The following FABP7 variants were observed in gnomAD, a reference collection of about 807,000 sequenced individuals.
The protein encoded by FABP7 is fatty acid-binding protein, brain.
FABP7 carries 13 observed loss-of-function variants against 14.2 expected under a neutral mutation model. That is an observed-to-expected ratio of 0.91 (90% CI 0.59 to 1.45). The LOEUF is 1.45. FABP7 is among the 40% of genes most tolerant of loss of function. FABP7 has a pLI of 0.00. For synonymous variants in FABP7, 49 were observed against 51.4 expected, an observed-to-expected ratio of 0.95 and a Z score of 0.20; for missense variants, 149 against 157.6, an observed-to-expected ratio of 0.95 and a Z score of 0.29.
chr6:122,770,391 T>C, the FABP7 span, among the ~76,000 whole-genome samples: 1 of 152,120 alleles, frequency 6.6e-6, no homozygotes, highest in Non-Finnish European at 1.5e-5. Flanking sequence ...TTATCTGATA[T>C]GGAGGCAGTC....
chr6:122,763,199 C>A, the FABP7 span, among the ~76,000 whole-genome samples: 1 of 152,098 alleles, frequency 6.6e-6, no homozygotes, highest in Non-Finnish European at 1.5e-5. Flanking sequence ...ATATATAGAT[C>A]AATGGAACAG....
At chr6:122,769,850 C>G in the FABP7 span, among the ~76,000 whole-genome samples, 2 of 151,928 alleles carry the variant, frequency 1.3e-5, no homozygotes, top group Non-Finnish European at 2.9e-5. Flanking sequence ...AGTTGCTTTG[C>G]GGTGAAAGAA....
chr6:122,783,082 A>G, intron 3 of FABP7: 1 of 985,452 alleles, frequency 1.0e-6, no homozygotes, highest in Non-Finnish European at 1.2e-6. Context: ...CATGAAAACC[A>G]TGAGCACCAA....
the FABP7 span, among the ~76,000 whole-genome samples, chr6:122,767,691 G>A: frequency 3.5e-4 from 52 of 150,010 alleles, no homozygotes; most frequent in African/African-American, 1.2e-3. Flanking sequence ...TGGGGGGATA[G>A]CTTGAGCCCA....
the FABP7 span, among the ~76,000 whole-genome samples, chr6:122,773,020 G>T: frequency 5.9e-5 from 9 of 152,102 alleles, no homozygotes; most frequent in African/African-American, 2.2e-4. Context: ...CCTGAGGAGA[G>T]CAAAGATCAC....
Position 122,781,109 on chromosome 6 carries a change from A to C in FABP7, c.263A>C (p.Asp88Ala). The C allele has an allele frequency of 6.2e-7, 1 of 1,613,608 alleles. No individual in the cohort carries two copies. Among genetic ancestry groups the C allele is most frequent in the South Asian group, 1.1e-5 (1 of 91,050 alleles). ...TGGTCTCAGTCTGTTGTTAGCCTGGATGGAGACAAACTTGTTCACATACAG... is the reference window on the plus strand; with the variant it reads ...TGGTCTCAGTCTGTTGTTAGCCTGGCTGGAGACAAACTTGTTCACATACAG... The part of the protein sequence containing the change: ...DRNCKSVVSL[D>A]GDKLVHIQKW... The change falls in exon 3 of 4, where the codon GAT (aspartate) becomes GCT (alanine). Residue 88 changes from aspartate (D) to alanine (A), a missense_variant. Physicochemically the swap from Asp to Ala is moderately radical, Grantham distance 126. Coordinates refer to ENST00000368444, the MANE Select transcript of FABP7 (RefSeq NM_001446.5).
chr6:122,750,844 G>T, the FABP7 span, among the ~76,000 whole-genome samples: 1 of 152,212 alleles, frequency 6.6e-6, no homozygotes, highest in Non-Finnish European at 1.5e-5. Flanking sequence ...AAGAATAAGG[G>T]AAAGTTGAGA....
At chr6:122,761,502 A>G in the FABP7 span, among the ~76,000 whole-genome samples, 2 of 152,146 alleles carry the variant, frequency 1.3e-5, no homozygotes, top group African/African-American at 4.8e-5. Flanking sequence ...AAAACAAGAA[A>G]ATCTTCTCGT....
upstream of FABP7, among the ~76,000 whole-genome samples, chr6:122,774,990 A>G (rs961618370): frequency 6.6e-6 from 1 of 151,694 alleles, no homozygotes. Flanking sequence ...ATAAAATACT[A>G]ATGAAATAAA....
the FABP7 span, among the ~76,000 whole-genome samples, chr6:122,758,966 A>G: frequency 3.9e-5 from 6 of 152,238 alleles, no homozygotes; most frequent in Non-Finnish European, 8.8e-5. Context: ...GGAAAATGGT[A>G]GAGCTACACA....
chr6:122,781,697 C>CA (rs1582520447), intron 3 of FABP7: 2 of 829,142 alleles, frequency 2.4e-6, no homozygotes, highest in South Asian at 5.7e-5. Flanking sequence ...AAAAGTATAA[C>CA]AAAAAAATTA....
the FABP7 span, among the ~76,000 whole-genome samples, chr6:122,767,597 G>A: frequency 1.0e-3 from 153 of 151,914 alleles, no homozygotes; most frequent in African/African-American, 3.3e-3. Context: ...GCAAGTTAAC[G>A]GTTCAAATGT....
the FABP7 span, among the ~76,000 whole-genome samples, chr6:122,774,016 C>T: frequency 1.3e-5 from 2 of 151,966 alleles, no homozygotes; most frequent in African/African-American, 2.4e-5. Context: ...ACTGTAGATG[C>T]GTTTGTATGA....
At chr6:122,774,359 C>CAAAAAAAAA in the FABP7 span, among the ~76,000 whole-genome samples, 4 of 66,642 alleles carry the variant, frequency 6.0e-5, no homozygotes, top group Admixed American at 2.3e-4. Context: ...TAGACTCTGT[C>CAAAAAAAAA]AAAAAAAAAA....
At chr6:122,749,557 T>C in the FABP7 span, among the ~76,000 whole-genome samples, 4 of 152,260 alleles carry the variant, frequency 2.6e-5, no homozygotes, top group South Asian at 8.3e-4. Flanking sequence ...ACCCTAAATA[T>C]CTACTCTCAT....
At chr6:122,775,186 T>C (rs1298791963), upstream of FABP7, among the ~76,000 whole-genome samples, 25 of 151,986 alleles carry the variant, frequency 1.6e-4, no homozygotes. Flanking sequence ...AGACTCCAAA[T>C]AGCCAAAGTT....
chr6:122,782,403 G>T (rs1162101870), intron 3 of FABP7: 4 of 610,034 alleles, frequency 6.6e-6, no homozygotes, highest in Non-Finnish European at 8.2e-6. Context: ...GAGGTTGTTG[G>T]GCTTACAGTT....
intron 1 of FABP7, 58 bp downstream of exon 1, chr6:122,779,925 G>A: frequency 3.9e-6 from 6 of 1,542,168 alleles, no homozygotes; most frequent in Non-Finnish European, 5.4e-6. Context: ...GATATTTGCA[G>A]ATTCCATTTT....
At chr6:122,782,575 G>T (rs1267706555) in intron 3 of FABP7, 3 of 985,294 alleles carry the variant, frequency 3.0e-6, no homozygotes. Context: ...GCCTTCCTCA[G>T]ACACTTTTTG....
Sources: allele counts gnomAD v4.1 joint callset (sites outside exome capture counted in the v4.1 genomes callset), GRCh38; gene constraint gnomAD v4.1.1; transcripts MANE v1.5; gene names NCBI Gene and HGNC (gene_info 2026-07-23, HGNC 2026-07-21).